SMC6: variants seen among roughly 807,000 people sequenced by gnomAD.
SMC6 encodes structural maintenance of chromosomes 6, also known as structural maintenance of chromosomes protein 6.
In SMC6, 79 loss-of-function variants were observed where a neutral mutation model predicts 142.2. The ratio of observed to expected loss-of-function variants is 0.56; its 90% CI spans 0.46 to 0.67. The LOEUF is 0.67. Among genes scored for constraint, SMC6 ranks in the 30% least tolerant of loss-of-function variants. SMC6 has a pLI of 0.00. For missense variants in SMC6, 1,072 were observed against 1,284.0 expected (o/e 0.83, Z 2.52); for synonymous variants, 411 against 412.4 (o/e 1.00, Z 0.04).
At chr2:17,692,505 G>T (rs1399395451) in intron 23 of SMC6, among the ~76,000 whole-genome samples, 1 of 152,300 alleles carries the variant, frequency 6.6e-6, no homozygotes, top group African/African-American at 2.4e-5. Context: ...CTAGCCATAT[G>T]TAGAAAGCTG....
chr2:17,725,594 T>C (rs1669576663), intron 8 of SMC6, among the ~76,000 whole-genome samples: 1 of 152,064 alleles, frequency 6.6e-6, no homozygotes, highest in African/African-American at 2.4e-5. Context: ...TAAAACCCCA[T>C]GAAAGAAAAC....
rs908539702 is a variant in SMC6, at chr2:17,753,067, G to A, written c.-92-3C>T. The A allele has an allele frequency of 4.1e-6, 4 of 970,496 alleles. No homozygotes were observed. The highest frequency in any genetic ancestry group is 5.2e-4 in the Middle Eastern group (1 of 1,910). 60.1% of individuals were successfully genotyped at this position (970,496 alleles called of 1,614,324 possible). A position where few individuals can be genotyped will look rare whatever the true frequency, so the allele number is the denominator to read the frequency against. ...TGGGATTCTTCTCCGGTTCATTTCT[G>A]TAAGAAATGAGGGCAGAGAAATGCC... On this transcript the variant is annotated splice_region_variant and splice_polypyrimidine_tract_variant and intron_variant, in intron 1 of 27. Transcript: ENST00000448223.
At chr2:17,738,183 A>G (rs1229859635) in intron 5 of SMC6, 38 bp downstream of exon 5, 5 of 1,466,976 alleles carry the variant, frequency 3.4e-6, no homozygotes, top group Non-Finnish European at 4.7e-6. Flanking sequence ...TTTTCTTACT[A>G]AAGAATTGAA....
intron 18 of SMC6, among the ~76,000 whole-genome samples, chr2:17,704,889 G>T (rs1033138414): frequency 3.3e-5 from 5 of 151,846 alleles, no homozygotes; most frequent in Non-Finnish European, 7.4e-5. Flanking sequence ...GGGTCCTCAG[G>T]ATTTAATAGG....
chr2:17,736,929 A>AT (rs1670184265), intron 5 of SMC6, among the ~76,000 whole-genome samples: 1 of 152,014 alleles, frequency 6.6e-6, no homozygotes, highest in Admixed American at 6.6e-5. Context: ...ATTAAAAAAA[A>AT]TTTTTAAATA....
Position 17,721,178 on chromosome 2 carries a change from A to G in SMC6, c.810T>C (p.Asn270=), listed in dbSNP as rs72768638. The change falls in exon 10 of 28, where the codon AAT becomes AAC. Residue 270 remains asparagine (N), a synonymous_variant. Coordinates refer to ENST00000448223, the MANE Select transcript of SMC6 (RefSeq NM_001142286.2). The part of the protein sequence containing the change: ...SIAGLSTMKT[N]LESLKHEMAW... ...CCATTTCATGTTTCAAGGACTCTAAATTAGTCTTCATTGTACTTAAACCAG... is the reference window on the plus strand; with the variant it reads ...CCATTTCATGTTTCAAGGACTCTAAGTTAGTCTTCATTGTACTTAAACCAG... The G allele has an allele frequency of 1.2e-5, 20 of 1,612,388 alleles. No individual in the cohort carries two copies. Among genetic ancestry groups the G allele is most frequent in the Non-Finnish European group, 1.6e-5 (19 of 1,179,536 alleles).
chr2:17,708,776 G>T, intron 16 of SMC6, 23 bp from the exon 17 acceptor site: 1 of 1,250,414 alleles, frequency 8.0e-7, no homozygotes, highest in Non-Finnish European at 1.1e-6. Flanking sequence ...AATACAGAAG[G>T]ATTAACTTAG....
At chr2:17,699,243 A>T (rs1668154717) in intron 21 of SMC6, among the ~76,000 whole-genome samples, 1 of 152,078 alleles carries the variant, frequency 6.6e-6, no homozygotes, top group African/African-American at 2.4e-5. Context: ...TTTGGTGGAC[A>T]CAGGGTTGAC....
In SMC6 at chr2:17,716,794, G is replaced by C. The variant is rs199917843; in HGVS notation, c.1293C>G (p.Ile431Met). The C allele has an allele frequency of 5.0e-6, 8 of 1,613,226 alleles. No homozygotes were observed. The highest frequency in any genetic ancestry group is 1.1e-5 in the South Asian group (1 of 90,964). Residue 431 changes from isoleucine (I) to methionine (M), a missense_variant, in exon 14 of 28, where the codon ATC becomes ATG. Ile to Met is a conservative substitution (Grantham distance 10). Transcript: ENST00000448223. ...TTTCTATGGCTTGCTGAAACTGTTC[G>C]ATCTCTTGATTGACTGAATTTTCTT... is the stretch of plus-strand genomic sequence containing the variant. The part of the protein sequence containing the change: ...QNQENSVNQE[I>M]EQFQQAIEKD...
chr2:17,665,580 G>A lies in SMC6; in HGVS notation c.3195C>T (p.Leu1065=), dbSNP rs1163274971. 1 of 1,610,080 alleles carries A rather than the reference G, an allele frequency of 6.2e-7. No homozygotes were observed. The highest frequency in any genetic ancestry group is 2.2e-5 in the East Asian group (1 of 44,608). The change falls in exon 28 of 28, where the codon CTC becomes CTT. Residue 1065 remains leucine, a synonymous_variant. Transcript: ENST00000448223. ...SLPSSKLIRI[L]RMSDPERGQT... ...GTCCTCTTTCAGGATCAGACATTCG[G>A]AGAATTCTTATCAGTTTACTGGATG...
At chr2:17,668,437 A>G (rs1319603538) in intron 26 of SMC6, among the ~76,000 whole-genome samples, 1 of 152,214 alleles carries the variant, frequency 6.6e-6, no homozygotes, top group Non-Finnish European at 1.5e-5. Context: ...AGGAGACATA[A>G]ACATCTCAGA....
intron 21 of SMC6, among the ~76,000 whole-genome samples, chr2:17,698,129 G>A (rs1668095741): frequency 1.3e-5 from 2 of 152,140 alleles, no homozygotes; most frequent in South Asian, 2.1e-4. Context: ...GCCAGGGGAT[G>A]GGAACAGGAG....
chr2:17,683,600 A>C, intron 24 of SMC6, 38 bp downstream of exon 24: 1 of 1,526,260 alleles, frequency 6.6e-7, no homozygotes, highest in Non-Finnish European at 8.9e-7. Flanking sequence ...GAAACACAAA[A>C]ATGTATAATA....
chr2:17,668,056 G>C (rs1333671313), intron 26 of SMC6, among the ~76,000 whole-genome samples: 2 of 152,054 alleles, frequency 1.3e-5, no homozygotes, highest in Non-Finnish European at 2.9e-5. Flanking sequence ...AAAAAAATTT[G>C]TTTTCCTTGG....
At chr2:17,750,959 C>T (rs1334536117) in intron 2 of SMC6, among the ~76,000 whole-genome samples, 1 of 118,348 alleles carries the variant, frequency 8.4e-6, no homozygotes, top group Non-Finnish European at 1.6e-5. Flanking sequence ...GAGCCGAAAT[C>T]ATGTCACTGC....
chr2:17,692,667 A>T (rs1180611110), intron 23 of SMC6, among the ~76,000 whole-genome samples: 1 of 152,212 alleles, frequency 6.6e-6, no homozygotes, highest in Non-Finnish European at 1.5e-5. Context: ...TGTCTAAAAC[A>T]CCAAAAGCAA....
intron 11 of SMC6, among the ~76,000 whole-genome samples, chr2:17,718,675 C>T (rs1214341937): frequency 6.6e-6 from 1 of 151,990 alleles, no homozygotes; most frequent in Admixed American, 6.6e-5. Flanking sequence ...TCTAAGTGTA[C>T]CAGGAAATAA....
intron 16 of SMC6, among the ~76,000 whole-genome samples, chr2:17,709,341 G>T (rs937284345): frequency 6.6e-6 from 1 of 152,030 alleles, no homozygotes; most frequent in Non-Finnish European, 1.5e-5. Flanking sequence ...CCAACACAGA[G>T]GAAATATGAA....
chr2:17,753,067 G>GT lies in SMC6; in HGVS notation c.-92-4dup, dbSNP rs1375108345. The GT allele has an allele frequency of 4.1e-6, 4 of 970,494 alleles. No homozygotes were observed. The African/African-American group carries it at 7.0e-5, about 17-fold the overall frequency. 60.1% of individuals were successfully genotyped at this position (970,494 alleles called of 1,614,324 possible). A position where few individuals can be genotyped will look rare whatever the true frequency, so the allele number is the denominator to read the frequency against. ...TGGGATTCTTCTCCGGTTCATTTCT[G>GT]TAAGAAATGAGGGCAGAGAAATGCC... On this transcript the variant is annotated splice_region_variant and splice_polypyrimidine_tract_variant and intron_variant, in intron 1 of 27. Transcript: ENST00000448223.
Sources: allele counts gnomAD v4.1 joint callset (sites outside exome capture counted in the v4.1 genomes callset), GRCh38; gene constraint gnomAD v4.1.1; transcripts MANE v1.5; gene names NCBI Gene and HGNC (gene_info 2026-07-23, HGNC 2026-07-21).